The following NFIB variants were observed in gnomAD, a reference collection of about 807,000 sequenced individuals.
NFIB encodes the protein nuclear factor 1 B-type.
NFIB carries 11 observed loss-of-function variants against 61.5 expected under a neutral mutation model. The observed-to-expected ratio is 0.18, with a 90% CI of 0.11 to 0.30. NFIB has a LOEUF of 0.30. Among genes scored for constraint, NFIB ranks in the 10% least tolerant of loss-of-function variants. NFIB has a pLI of 1.00. For missense variants in NFIB, 471 were observed against 608.9 expected, an observed-to-expected ratio of 0.77 and a Z score of 2.38; for synonymous variants, 260 against 216.5, an observed-to-expected ratio of 1.20 and a Z score of -1.76.
At chr9:14,268,205 G>C (rs897422833) in intron 2 of NFIB, among the ~76,000 whole-genome samples, 1 of 151,822 alleles carries the variant, frequency 6.6e-6, no homozygotes, top group Non-Finnish European at 1.5e-5. Context: ...TAAAAGCCTG[G>C]CTTAAAACGA....
intron 6 of NFIB, among the ~76,000 whole-genome samples, chr9:14,132,537 CTT>C (rs1401344074): frequency 2.0e-5 from 3 of 151,822 alleles, no homozygotes; most frequent in Admixed American, 6.6e-5. Flanking sequence ...TCCTTTCTAT[CTT>C]TTATTATTGT....
At chr9:14,277,690 C>A (rs2058093683) in intron 2 of NFIB, among the ~76,000 whole-genome samples, 1 of 152,048 alleles carries the variant, frequency 6.6e-6, no homozygotes, top group Admixed American at 6.6e-5. Context: ...TGCAGATAGA[C>A]CTAAAGTAAG....
the NFIB span, among the ~76,000 whole-genome samples, chr9:14,428,992 G>C: frequency 2.0e-5 from 3 of 152,152 alleles, no homozygotes; most frequent in Non-Finnish European, 2.9e-5. Context: ...GGCGCGTCTT[G>C]ACCGGGACCT....
At chr9:14,414,400 A>C in the NFIB span, among the ~76,000 whole-genome samples, 355 of 144,332 alleles carry the variant, frequency 2.5e-3, 2 homozygotes, top group African/African-American at 9.1e-3. Flanking sequence ...GCACCACTGC[A>C]CTCCAGCCTG....
the NFIB span, among the ~76,000 whole-genome samples, chr9:14,524,950 G>A: frequency 1.3e-5 from 2 of 152,312 alleles, no homozygotes; most frequent in African/African-American, 2.4e-5. Context: ...CCTCACAAGA[G>A]CTCCAGGAGG....
intron 2 of NFIB, among the ~76,000 whole-genome samples, chr9:14,280,092 C>G (rs564603028): frequency 2.0e-5 from 3 of 152,234 alleles, no homozygotes; most frequent in African/African-American, 7.2e-5. Context: ...AGGAATTAAT[C>G]TGAGTCCTGT....
At chr9:14,221,880 T>A (rs1246459571) in intron 2 of NFIB, among the ~76,000 whole-genome samples, 1 of 152,228 alleles carries the variant, frequency 6.6e-6, no homozygotes, top group Non-Finnish European at 1.5e-5. Flanking sequence ...ACTATGTCAT[T>A]TTCCCTTTCT....
intron 1 of NFIB, among the ~76,000 whole-genome samples, chr9:14,397,735 G>A (rs1368774955): frequency 6.6e-6 from 1 of 152,132 alleles, no homozygotes; most frequent in Non-Finnish European, 1.5e-5. Flanking sequence ...CCCCACTGAG[G>A]TGTTCTGACA....
chr9:14,286,797 C>A (rs1333498898), intron 2 of NFIB, among the ~76,000 whole-genome samples: 1 of 151,034 alleles, frequency 6.6e-6, no homozygotes, highest in South Asian at 2.1e-4. Flanking sequence ...AGCCGCTTCA[C>A]TGCAGACAGA....
the NFIB span, among the ~76,000 whole-genome samples, chr9:14,474,258 T>C: frequency 6.6e-6 from 1 of 152,264 alleles, no homozygotes; most frequent in African/African-American, 2.4e-5. Context: ...GCACATACAC[T>C]GTCTGGTGAG....
the NFIB span, among the ~76,000 whole-genome samples, chr9:14,514,191 C>A: frequency 6.6e-6 from 1 of 152,098 alleles, no homozygotes; most frequent in Admixed American, 6.5e-5. Context: ...TTTCAGAGCT[C>A]TATTATAGGA....
the NFIB span, among the ~76,000 whole-genome samples, chr9:14,480,449 T>A: frequency 3.3e-5 from 5 of 152,258 alleles, no homozygotes; most frequent in African/African-American, 7.2e-5. Context: ...TTGATGCTAA[T>A]CTCAAAAGTT....
At chr9:14,109,401 G>C (rs1473048783) in intron 10 of NFIB, among the ~76,000 whole-genome samples, 1 of 151,954 alleles carries the variant, frequency 6.6e-6, no homozygotes, top group Non-Finnish European at 1.5e-5. Context: ...ATGAAGTTAA[G>C]TCGGGGCGGG....
chr9:14,248,735 G>C (rs1448617386), intron 2 of NFIB, among the ~76,000 whole-genome samples: 4 of 152,186 alleles, frequency 2.6e-5, no homozygotes, highest in Non-Finnish European at 5.9e-5. Context: ...CACCAGTTCA[G>C]CAACAGGTTC....
intron 1 of NFIB, among the ~76,000 whole-genome samples, chr9:14,330,824 A>G (rs1209393852): frequency 1.3e-5 from 2 of 152,170 alleles, no homozygotes; most frequent in African/African-American, 4.8e-5. Flanking sequence ...GAAGAGGTCC[A>G]TATTCAATCA....
chr9:14,244,753 A>T (rs777693049), intron 2 of NFIB, among the ~76,000 whole-genome samples: 6 of 152,220 alleles, frequency 3.9e-5, no homozygotes, highest in Non-Finnish European at 8.8e-5. Context: ...TAGAAAAAAC[A>T]TTGAGCAAAA....
At chr9:14,108,998 T>C (rs781661155) in intron 10 of NFIB, among the ~76,000 whole-genome samples, 1 of 152,064 alleles carries the variant, frequency 6.6e-6, no homozygotes, top group Non-Finnish European at 1.5e-5. Flanking sequence ...GAATTTAGGC[T>C]CTTATTATGA....
At chr9:14,320,909 G>A (rs1418113246) in intron 1 of NFIB, among the ~76,000 whole-genome samples, 4 of 151,990 alleles carry the variant, frequency 2.6e-5, no homozygotes, top group South Asian at 2.1e-4. Context: ...GTATTTTGGC[G>A]CCTTTTCCCT....
At chr9:14,113,438 T>C (rs1317948826) in intron 9 of NFIB, among the ~76,000 whole-genome samples, 2 of 152,206 alleles carry the variant, frequency 1.3e-5, no homozygotes, top group Non-Finnish European at 2.9e-5. Context: ...AGTTGTCTAA[T>C]ATAAAATAAT....
Sources: allele counts gnomAD v4.1 joint callset (sites outside exome capture counted in the v4.1 genomes callset), GRCh38; gene constraint gnomAD v4.1.1; transcripts MANE v1.5; gene names NCBI Gene and HGNC (gene_info 2026-07-23, HGNC 2026-07-21).